PSTPIP2: variants seen among roughly 807,000 people sequenced by gnomAD.
PSTPIP2 encodes proline-serine-threonine phosphatase interacting protein 2.
In PSTPIP2, 33 loss-of-function variants were observed where a neutral mutation model predicts 63.3. The observed-to-expected ratio is 0.52, with a 90% CI of 0.40 to 0.70. The LOEUF is 0.70. Among genes scored for constraint, PSTPIP2 ranks in the 30% least tolerant of loss-of-function variants. The pLI, the probability that PSTPIP2 is intolerant of heterozygous loss-of-function variation, is 0.00. For synonymous variants in PSTPIP2, 125 were observed against 132.7 expected (o/e 0.94, Z 0.40); for missense variants, 312 against 400.7 (o/e 0.78, Z 1.89).
chr18:45,989,947 A>G (rs2051508759), intron 13 of PSTPIP2: 1 of 152,374 alleles, frequency 6.6e-6, no homozygotes, highest in Non-Finnish European at 1.5e-5. Context: ...CTCACATCCC[A>G]TACAACTAAT....
chr18:46,031,840 A>G (rs1357038832), intron 2 of PSTPIP2, among the ~76,000 whole-genome samples: 7 of 152,174 alleles, frequency 4.6e-5, no homozygotes, highest in Admixed American at 4.6e-4. Context: ...CCATGAAACA[A>G]GATGTTCTCC....
chr18:46,070,554 T>C (rs1909357231), intron 1 of PSTPIP2, among the ~76,000 whole-genome samples: 1 of 152,202 alleles, frequency 6.6e-6, no homozygotes, highest in African/African-American at 2.4e-5. Flanking sequence ...CACTCTGTCG[T>C]CCAGGCTGGA....
chr18:46,064,563 G>A (rs554710326), intron 1 of PSTPIP2, among the ~76,000 whole-genome samples: 16 of 149,662 alleles, frequency 1.1e-4, no homozygotes, highest in Admixed American at 2.0e-4. Flanking sequence ...GCCTCCCAAA[G>A]TGCTGGGATT....
chr18:46,005,318 C>A, intron 6 of PSTPIP2, 151 bp downstream of exon 6: 4 of 642,996 alleles, frequency 6.2e-6, no homozygotes, highest in Non-Finnish European at 1.0e-5. Context: ...AAAGAAAACC[C>A]AAAGCATTTA....
Position 46,019,022 on chromosome 18 carries a change from C to T in PSTPIP2, c.213-3085G>A, listed in dbSNP as rs2051882691. Among the ~76,000 whole-genome samples the T allele has an allele frequency of 3.3e-5, 5 of 152,028 alleles. No homozygotes were observed. In the South Asian group the frequency reaches 1.0e-3, roughly 32 times the overall value. On this transcript the variant is annotated intron_variant, in intron 3 of 14. Coordinates refer to ENST00000409746, the MANE Select transcript of PSTPIP2 (RefSeq NM_024430.4). ...CCATCCTCTCCCTTATAATCAACTC[C>T]CCTTTGCCCATTATTTTAGTTCTCC... is the stretch of plus-strand genomic sequence containing the variant.
At chr18:45,999,087 T>A (rs533274260) in intron 7 of PSTPIP2, among the ~76,000 whole-genome samples, 2 of 152,234 alleles carry the variant, frequency 1.3e-5, no homozygotes, top group South Asian at 4.1e-4. Context: ...GTTGCAGAAA[T>A]CTTGTATCTA....
intron 13 of PSTPIP2, among the ~76,000 whole-genome samples, chr18:45,990,420 GTTT>G (rs1029537277): frequency 4.3e-5 from 6 of 140,148 alleles, no homozygotes; most frequent in African/African-American, 1.8e-4. Flanking sequence ...GTTTTTTGGG[GTTT>G]TTTTGTTTGT....
At chr18:46,043,316 G>T (rs1295074085) in intron 1 of PSTPIP2, among the ~76,000 whole-genome samples, 1 of 150,734 alleles carries the variant, frequency 6.6e-6, no homozygotes, top group East Asian at 1.9e-4. Context: ...GATTGAGCCT[G>T]GGAGATCGAG....
rs1039824349 is a variant in PSTPIP2 at position 46,029,686 on chromosome 18, A to T, written c.135-5000T>A. The T allele has an allele frequency of 1.3e-5, 9 of 705,848 alleles. No individual in the cohort carries two copies. The African/African-American group carries it at 1.6e-4, about 13-fold the overall frequency. The allele number at this position is 705,848 out of a possible 1,614,324, so 43.7% of individuals were successfully genotyped here. A position where few individuals can be genotyped will look rare whatever the true frequency, so the allele number is the denominator to read the frequency against. Reference sequence around the variant, plus strand: ...ATTGGCAATTGCTTCAGGAAAAATGAAAGAAGCAGTCATTGGTTCATCTTC... The same window carrying T: ...ATTGGCAATTGCTTCAGGAAAAATGTAAGAAGCAGTCATTGGTTCATCTTC... On this transcript the variant is annotated intron_variant, in intron 2 of 14. Transcript: ENST00000409746.
chr18:46,047,842 T>A (rs1262668213), intron 1 of PSTPIP2, among the ~76,000 whole-genome samples: 1 of 152,264 alleles, frequency 6.6e-6, no homozygotes, highest in Non-Finnish European at 1.5e-5. Context: ...CTAATGGATT[T>A]AGTATTCATT....
In PSTPIP2 at chr18:46,060,027, G is replaced by A. The variant is rs145034865; in HGVS notation, c.33+12129C>T. Reference sequence around the variant, plus strand: ...GACTGGGCAACAAGAGTGAAACTCCGTCTCAAAAATAAATAAATAAAATTA... The same window carrying A: ...GACTGGGCAACAAGAGTGAAACTCCATCTCAAAAATAAATAAATAAAATTA... On this transcript the variant is annotated intron_variant, in intron 1 of 14. Coordinates refer to ENST00000409746, the MANE Select transcript of PSTPIP2 (RefSeq NM_024430.4). Among the ~76,000 whole-genome samples, 1,065 of 152,226 alleles carry A rather than the reference G, an allele frequency of 7.0e-3. 7 individuals carry two copies. The highest frequency in any genetic ancestry group is 0.024 in the African/African-American group (983 of 41,548).
intron 5 of PSTPIP2, among the ~76,000 whole-genome samples, chr18:46,007,589 C>A (rs1213402463): frequency 2.6e-5 from 4 of 152,238 alleles, no homozygotes; most frequent in Non-Finnish European, 4.4e-5. Context: ...GATCAGTTAG[C>A]AACGTTGGTC....
At chr18:46,009,946 T>A (rs947933558) in intron 5 of PSTPIP2, among the ~76,000 whole-genome samples, 3 of 152,198 alleles carry the variant, frequency 2.0e-5, no homozygotes, top group African/African-American at 7.2e-5. Flanking sequence ...ACCTGATACA[T>A]CAAGCTTGAG....
In PSTPIP2 at chr18:46,011,217, T is replaced by G; in HGVS notation, c.318A>C (p.Glu106Asp). Residue 106 changes from glutamate (E) to aspartate (D), a missense_variant, in exon 5 of 15, where the codon GAA becomes GAC. Glu to Asp is a conservative substitution (Grantham distance 45). Coordinates refer to ENST00000409746, the MANE Select transcript of PSTPIP2 (RefSeq NM_024430.4). ...GTAGTTTTTGCTTTTCCCTGAATTCTTCCATCTTCCTGGCCTCTTCTCTTA... is the reference window on the plus strand; with the variant it reads ...GTAGTTTTTGCTTTTCCCTGAATTCGTCCATCTTCCTGGCCTCTTCTCTTA... ...QSLREEARKM[E>D]EFREKQKLQR... 1 of 1,614,060 alleles carries G rather than the reference T, an allele frequency of 6.2e-7. No homozygotes were observed. Among genetic ancestry groups the G allele is most frequent in the Non-Finnish European group, 8.5e-7 (1 of 1,179,954 alleles).
intron 1 of PSTPIP2, among the ~76,000 whole-genome samples, chr18:46,064,748 G>C (rs1322610055): frequency 6.6e-6 from 1 of 152,070 alleles, no homozygotes; most frequent in Non-Finnish European, 1.5e-5. Flanking sequence ...TAGTAAAATG[G>C]CTGGGCAATG....
At position 46,011,256 on chromosome 18, in the gene PSTPIP2, C is replaced by A; in HGVS notation, c.279G>T (p.Gln93His). The change falls in exon 5 of 15, where the codon CAG (glutamine) becomes CAT (histidine). Residue 93 changes from glutamine to histidine, a missense_variant. Gln to His is a conservative substitution (Grantham distance 24). Coordinates refer to ENST00000409746, the MANE Select transcript of PSTPIP2 (RefSeq NM_024430.4). ...QVDNVAQCHIQLAQSLREEAR... is the reference protein window; with the variant it reads ...QVDNVAQCHIHLAQSLREEAR... The stretch of plus-strand genomic sequence containing the variant: ...CCTCTTCTCTTAAACTCTGTGCAAG[C>A]TGAATGTGACATTGTGCCACATTGT... 6.2e-7 allele frequency: 1 copy of A among 1,613,842 alleles called. No individual in the cohort carries two copies.
At chr18:46,051,140 C>T (rs1305865509) in intron 1 of PSTPIP2, among the ~76,000 whole-genome samples, 1 of 152,122 alleles carries the variant, frequency 6.6e-6, no homozygotes, top group African/African-American at 2.4e-5. Context: ...GGATTATAGG[C>T]CTGAGCCACT....
intron 8 of PSTPIP2, 85 bp from the exon 9 acceptor site, chr18:45,997,913 A>C: frequency 8.6e-7 from 1 of 1,164,442 alleles, no homozygotes; most frequent in East Asian, 2.4e-5. Context: ...TCAGATGGCA[A>C]AAGAAACTCA....
rs374672639 is a variant in PSTPIP2 at position 46,066,896 on chromosome 18, G to C, written c.33+5260C>G. 4.3e-4 allele frequency among the ~76,000 whole-genome samples: 66 copies of C among 152,026 alleles called. 3 individuals carry two copies. The South Asian group carries it at 0.014, about 31-fold the overall frequency. ...CAAAAAATTAGCCGGGCGTGGTGGC[G>C]CATGCCTGTAATCCCAGCTACTCGG... is the stretch of plus-strand genomic sequence containing the variant. On this transcript the variant is annotated intron_variant, in intron 1 of 14. Coordinates refer to ENST00000409746, the MANE Select transcript of PSTPIP2 (RefSeq NM_024430.4).
Sources: gnomAD v4.1 joint callset for allele counts (sites outside exome capture counted in the v4.1 genomes callset) on GRCh38, gnomAD v4.1.1 for gene constraint, MANE v1.5 for transcripts, NCBI Gene and HGNC (gene_info 2026-07-23, HGNC 2026-07-21) for gene names.